The following PIK3C3 variants were observed in gnomAD, a reference collection of about 807,000 sequenced individuals.
The protein encoded by PIK3C3 is phosphatidylinositol 3-kinase catalytic subunit type 3.
Under a neutral mutation model 126.1 loss-of-function variants are expected in PIK3C3, and 95 were observed. The observed-to-expected ratio is 0.75, with a 90% CI of 0.64 to 0.89. The LOEUF is 0.89. Among genes scored for constraint, PIK3C3 ranks in the 40% least tolerant of loss-of-function variants. PIK3C3 has a pLI of 0.00. For missense variants in PIK3C3, 829 were observed against 1,063.2 expected (o/e 0.78, Z 3.06); for synonymous variants, 374 against 360.0 (o/e 1.04, Z -0.44).
intron 22 of PIK3C3, among the ~76,000 whole-genome samples, chr18:42,061,079 T>C (rs1425873633): frequency 6.6e-6 from 1 of 152,212 alleles, no homozygotes; most frequent in Non-Finnish European, 1.5e-5. Context: ...AAATTTAAAC[T>C]ATCTTTGTGT....
At chr18:42,067,914 A>G (rs1280984130) in intron 24 of PIK3C3, among the ~76,000 whole-genome samples, 1 of 152,254 alleles carries the variant, frequency 6.6e-6, no homozygotes, top group African/African-American at 2.4e-5. Flanking sequence ...AGAAAGGTCT[A>G]TCCATAGACT....
intron 4 of PIK3C3, among the ~76,000 whole-genome samples, chr18:41,986,756 C>G (rs1276673278): frequency 6.6e-6 from 1 of 152,000 alleles, no homozygotes; most frequent in Non-Finnish European, 1.5e-5. Context: ...TTATTAATAA[C>G]TTTTCATACA....
At chr18:41,986,587 C>CT (rs1214722496) in intron 4 of PIK3C3, among the ~76,000 whole-genome samples, 2 of 151,664 alleles carry the variant, frequency 1.3e-5, no homozygotes, top group Non-Finnish European at 2.9e-5. Context: ...CTTCCAGCTC[C>CT]TACTCTAGCA....
intron 13 of PIK3C3, among the ~76,000 whole-genome samples, chr18:42,025,021 C>T (rs538275715): frequency 6.6e-6 from 1 of 151,500 alleles, no homozygotes; most frequent in Non-Finnish European, 1.5e-5. Flanking sequence ...ACCGTGTTAG[C>T]CAGGATGGTC....
At chr18:42,036,941 C>G (rs1339237272) in intron 16 of PIK3C3, among the ~76,000 whole-genome samples, 1 of 152,116 alleles carries the variant, frequency 6.6e-6, no homozygotes, top group Non-Finnish European at 1.5e-5. Context: ...AGTCAAAACA[C>G]GGTCAGAACT....
At chr18:42,016,624 A>G (rs1983086601) in intron 12 of PIK3C3, among the ~76,000 whole-genome samples, 1 of 152,184 alleles carries the variant, frequency 6.6e-6, no homozygotes, top group African/African-American at 2.4e-5. Context: ...GAGAACAACC[A>G]TATGGCTATC....
chr18:42,063,022 C>T lies in PIK3C3; in HGVS notation c.2433-1718C>T, dbSNP rs541785057. Among the ~76,000 whole-genome samples, 14 of 152,308 alleles carry T rather than the reference C, an allele frequency of 9.2e-5. 1 individual carries two copies. The South Asian group carries it at 2.3e-3, about 25-fold the overall frequency. ...GGAAGTCTATGATATAGTTTCTCTA[C>T]TTTGATTCTTACTCCCTTCAAGATG... is the stretch of plus-strand genomic sequence containing the variant. On this transcript the variant is annotated intron_variant, in intron 22 of 24. Coordinates refer to ENST00000262039, the MANE Select transcript of PIK3C3 (RefSeq NM_002647.4).
chr18:42,056,806 C>A (rs1985085718), intron 21 of PIK3C3, among the ~76,000 whole-genome samples: 1 of 152,102 alleles, frequency 6.6e-6, no homozygotes, highest in African/African-American at 2.4e-5. Flanking sequence ...ATAGCATACT[C>A]CCCTTGAACC....
intron 24 of PIK3C3, 114 bp downstream of exon 24, chr18:42,067,627 A>C: frequency 8.3e-7 from 1 of 1,204,366 alleles, no homozygotes; most frequent in Non-Finnish European, 1.2e-6. Flanking sequence ...TTTTCTATCA[A>C]GTCGTTTTGA....
rs1444680469 is a variant in PIK3C3, at chr18:42,013,610, G to C, written c.1325+14G>C. On this transcript the variant is annotated intron_variant, in intron 11 of 24. Transcript: ENST00000262039. The stretch of plus-strand genomic sequence containing the variant: ...AGAAATAGATAGGTATGGATATCCA[G>C]GGAGGACATATTTTCTAGTTTGTTA... 1 of 1,548,748 alleles carries C rather than the reference G, an allele frequency of 6.5e-7. No individual in the cohort carries two copies. The highest frequency in any genetic ancestry group is 1.4e-5 in the African/African-American group (1 of 71,684).
At chr18:42,034,994 G>A (rs1983985360) in intron 16 of PIK3C3, among the ~76,000 whole-genome samples, 1 of 152,120 alleles carries the variant, frequency 6.6e-6, no homozygotes, top group Non-Finnish European at 1.5e-5. Context: ...TGGGTGTTAT[G>A]GATGGATAGT....
rs1982040681 is a variant in PIK3C3, at chr18:41,996,673, A to T, written c.927A>T (p.Thr309=). 1.3e-6 allele frequency: 2 copies of T among 1,578,290 alleles called. No homozygotes were observed. The highest frequency in any genetic ancestry group is 2.7e-5 in the African/African-American group (2 of 73,448). The change falls in exon 9 of 25, where the codon ACA becomes ACT. Residue 309 remains threonine (T), a synonymous_variant. Coordinates refer to ENST00000262039, the MANE Select transcript of PIK3C3 (RefSeq NM_002647.4). Reference sequence around the variant, plus strand: ...GTTATCCACCAACCAAGCAACTTACATATGAAGAACAAGATCTTGTTTGGA... The same window carrying T: ...GTTATCCACCAACCAAGCAACTTACTTATGAAGAACAAGATCTTGTTTGGA... ...IVSYPPTKQL[T]YEEQDLVWKF... is the part of the protein sequence containing the mutation.
At chr18:42,021,472 G>C (rs989290635) in intron 13 of PIK3C3, among the ~76,000 whole-genome samples, 1 of 152,160 alleles carries the variant, frequency 6.6e-6, no homozygotes, top group Non-Finnish European at 1.5e-5. Flanking sequence ...TTAAACACTA[G>C]ATAAGAGGGC....
At chr18:42,067,120 T>C (rs542770969) in intron 23 of PIK3C3, among the ~76,000 whole-genome samples, 2 of 152,292 alleles carry the variant, frequency 1.3e-5, no homozygotes, top group African/African-American at 2.4e-5. Context: ...TTTTGAGATG[T>C]AGGGCCCTAA....
intron 23 of PIK3C3, 112 bp downstream of exon 23, chr18:42,064,942 G>A (rs890694626): frequency 1.6e-5 from 10 of 618,322 alleles, no homozygotes; most frequent in Non-Finnish European, 2.7e-5. Context: ...CCTTGTTCCT[G>A]CCCACAGTCA....
intron 21 of PIK3C3, among the ~76,000 whole-genome samples, chr18:42,054,082 A>G (rs1188678942): frequency 1.4e-4 from 19 of 133,912 alleles, no homozygotes; most frequent in Non-Finnish European, 2.7e-4. Context: ...TTCTTTCAAT[A>G]TAGCTCCTGT....
chr18:42,041,295 T>C (rs948978074), intron 19 of PIK3C3, among the ~76,000 whole-genome samples: 1 of 152,196 alleles, frequency 6.6e-6, no homozygotes, highest in Non-Finnish European at 1.5e-5. Flanking sequence ...TGTTGTAATT[T>C]ATTTGATATT....
intron 21 of PIK3C3, among the ~76,000 whole-genome samples, chr18:42,051,733 T>C (rs1984811869): frequency 6.6e-6 from 1 of 152,016 alleles, no homozygotes; most frequent in Non-Finnish European, 1.5e-5. Flanking sequence ...TTTGGAAGTT[T>C]TCATGTGTTA....
intron 2 of PIK3C3, among the ~76,000 whole-genome samples, chr18:41,961,569 A>G (rs1484486124): frequency 1.3e-5 from 2 of 151,578 alleles, no homozygotes; most frequent in African/African-American, 4.9e-5. Flanking sequence ...TGTTTTAGCA[A>G]TACAGATGTA....
Sources: allele counts gnomAD v4.1 joint callset (sites outside exome capture counted in the v4.1 genomes callset), GRCh38; gene constraint gnomAD v4.1.1; transcripts MANE v1.5; gene names NCBI Gene and HGNC (gene_info 2026-07-23, HGNC 2026-07-21).